The following NUP153 variants were observed in gnomAD, a reference collection of about 807,000 sequenced individuals.
NUP153 encodes the protein nucleoporin 153, also known as nuclear pore complex protein Nup153.
A neutral mutation model predicts 134.6 loss-of-function variants in NUP153; 27 were observed. The observed-to-expected ratio is 0.20, with a 90% CI of 0.15 to 0.28. The LOEUF (loss-of-function observed/expected upper bound fraction) is 0.28. NUP153 is among the 10% of genes least tolerant of loss of function. The pLI, the probability that NUP153 is intolerant of heterozygous loss-of-function variation, is 1.00. For synonymous variants in NUP153, 640 were observed against 623.5 expected, an observed-to-expected ratio of 1.03 and a Z score of -0.40; for missense variants, 1,821 against 1,731.3, an observed-to-expected ratio of 1.05 and a Z score of -0.92.
At chr6:17,639,224 C>T (rs1292149242) in intron 15 of NUP153, among the ~76,000 whole-genome samples, 2 of 151,934 alleles carry the variant, frequency 1.3e-5, no homozygotes, top group Non-Finnish European at 2.9e-5. Context: ...ACTACAGGTG[C>T]ATGCCAGGAC....
chr6:17,624,495 T>G, intron 20 of NUP153, 66 bp downstream of exon 20: 1 of 1,502,240 alleles, frequency 6.7e-7, no homozygotes, highest in Non-Finnish European at 9.1e-7. Flanking sequence ...GTTTCCAAGC[T>G]CAAAGGAAAA....
chr6:17,650,496 G>A (rs1048683334), intron 11 of NUP153, among the ~76,000 whole-genome samples: 4 of 152,268 alleles, frequency 2.6e-5, no homozygotes, highest in African/African-American at 9.6e-5. Context: ...CCACAGGGGA[G>A]ACAGAATGAG....
intron 1 of NUP153, among the ~76,000 whole-genome samples, chr6:17,698,309 A>C (rs956757487): frequency 6.6e-6 from 1 of 152,184 alleles, no homozygotes; most frequent in African/African-American, 2.4e-5. Context: ...AACTAGATTC[A>C]GGTCCAAGCA....
chr6:17,673,500 A>G (rs1177127190), intron 5 of NUP153, among the ~76,000 whole-genome samples: 2 of 152,310 alleles, frequency 1.3e-5, no homozygotes, highest in Admixed American at 6.5e-5. Context: ...AAAATAACCC[A>G]ATTTTTAAAT....
Position 17,637,513 on chromosome 6 carries a change from T to C in NUP153, c.2104A>G (p.Lys702Glu). The change falls in exon 16 of 22, where the codon AAA (lysine) becomes GAA (glutamate). Residue 702 changes from lysine (K) to glutamate (E), a missense_variant. Transcript: ENST00000262077. ...GCAGAAAGAGTTGTTTTGCCACTTT[T>C]ATTTGGTGTTTCAATTCCAGTCTGT... ...AKQTGIETPN[K>E]SGKTTLSASG... The C allele has an allele frequency of 1.2e-6, 2 of 1,614,230 alleles. No homozygotes were observed. The highest frequency in any genetic ancestry group is 1.7e-6 in the Non-Finnish European group (2 of 1,180,028).
At chr6:17,621,484 T>C (rs908080039) in intron 20 of NUP153, among the ~76,000 whole-genome samples, 6 of 152,058 alleles carry the variant, frequency 3.9e-5, no homozygotes, top group African/African-American at 9.7e-5. Context: ...ATACAGAAAA[T>C]GTGGTTTAAT....
At chr6:17,642,889 A>C (rs1272366869) in intron 14 of NUP153, among the ~76,000 whole-genome samples, 2 of 152,230 alleles carry the variant, frequency 1.3e-5, no homozygotes, top group African/African-American at 2.4e-5. Context: ...AGAACCTTGA[A>C]ACCACTGTGC....
At position 17,632,847 on chromosome 6, in the gene NUP153, A is replaced by G. The variant is rs780722372; in HGVS notation, c.2465-3T>C. On this transcript the variant is annotated splice_region_variant and splice_polypyrimidine_tract_variant and intron_variant, in intron 16 of 21. Transcript: ENST00000262077. ...ACTTGAAGCAGGTACTGAACTTCCT[A>G]AAAAAAAAAAAAAAAACGGGGAGTG... 1.0e-3 allele frequency: 755 copies of G among 754,004 alleles called. 3 individuals carry two copies. In the East Asian group the frequency reaches 0.035, roughly 35 times the overall value. 46.7% of individuals were successfully genotyped at this position (754,004 alleles called of 1,614,324 possible).
chr6:17,618,274 C>T (rs13220654), intron 20 of NUP153, among the ~76,000 whole-genome samples: 16,162 of 152,214 alleles, frequency 0.11, 905 homozygotes, highest in Admixed American at 0.13. Flanking sequence ...GTGGTATTTA[C>T]GTGTCCTACA....
chr6:17,615,872 T>C lies in NUP153; in HGVS notation c.*225A>G. On this transcript the variant is annotated 3_prime_UTR_variant, in exon 22 of 22. Coordinates refer to ENST00000262077, the MANE Select transcript of NUP153 (RefSeq NM_005124.4). This position sits in a 1 kb window ranked among gnomAD's most constrained non-coding sequence, Gnocchi z 5.7. ...GAATAATCTGCTGGATCATAAAATA[T>C]TTTTGCTGAAGAATCAGTCACCAGT... is the stretch of plus-strand genomic sequence containing the variant. The C allele has an allele frequency of 6.3e-6, 3 of 477,510 alleles. No individual in the cohort carries two copies. The highest frequency in any genetic ancestry group is 1.1e-5 in the Non-Finnish European group (3 of 269,772). The allele number at this position is 477,510 out of a possible 1,614,324, so 29.6% of individuals were successfully genotyped here.
intron 18 of NUP153, 33 bp from the exon 19 acceptor site, chr6:17,626,197 T>C: frequency 6.6e-7 from 1 of 1,525,584 alleles, no homozygotes; most frequent in Non-Finnish European, 9.0e-7. Flanking sequence ...CAAACATAAA[T>C]CCTTAAGAAT....
chr6:17,662,406 C>A (rs750560280), intron 9 of NUP153, among the ~76,000 whole-genome samples: 1 of 152,072 alleles, frequency 6.6e-6, no homozygotes, highest in Non-Finnish European at 1.5e-5. Context: ...CTATTCCTTT[C>A]GAAATAGCTC....
intron 17 of NUP153, among the ~76,000 whole-genome samples, chr6:17,630,287 T>C (rs1007208368): frequency 6.6e-6 from 1 of 152,126 alleles, no homozygotes; most frequent in Non-Finnish European, 1.5e-5. Context: ...TGTGAATAAA[T>C]GTGTTATTCA....
intron 1 of NUP153, among the ~76,000 whole-genome samples, chr6:17,705,917 C>T (rs1770457081): frequency 6.6e-6 from 1 of 152,164 alleles, no homozygotes; most frequent in Non-Finnish European, 1.5e-5. Context: ...CTTTTCCTTT[C>T]TCCCTCGAGA....
rs375949839 is a variant in NUP153 at position 17,706,334 on chromosome 6, C to A, written c.54G>T (p.Thr18=). Residue 18 remains threonine (T), a synonymous_variant, in exon 1 of 22, where the codon ACG becomes ACT. Transcript: ENST00000262077. The surrounding 1 kb of genome is among the most constrained non-coding windows in gnomAD (Gnocchi z 5.9). The stretch of plus-strand genomic sequence containing the variant: ...TAATTGGCCCCTGGTGGCAACGCCG[C>A]GTCCGGATCTTGCCGCCACCGCCCC... ...VGGGGGGKIR[T]RRCHQGPIKP... The A allele has an allele frequency of 1.1e-5, 18 of 1,613,448 alleles. No individual in the cohort carries two copies. The highest frequency in any genetic ancestry group is 1.6e-4 in the Middle Eastern group (1 of 6,078).
intron 17 of NUP153, among the ~76,000 whole-genome samples, chr6:17,630,246 A>C (rs1464346651): frequency 6.6e-6 from 1 of 152,194 alleles, no homozygotes; most frequent in Non-Finnish European, 1.5e-5. Flanking sequence ...AAGAGATTGA[A>C]CCTTGTCACA....
chr6:17,673,094 C>A (rs1398452347), intron 5 of NUP153, among the ~76,000 whole-genome samples: 1 of 152,052 alleles, frequency 6.6e-6, no homozygotes. Flanking sequence ...TCTGGCTGGG[C>A]GCGGTGGCTC....
At chr6:17,641,108 T>A (rs541612464) in intron 14 of NUP153, among the ~76,000 whole-genome samples, 15 of 152,300 alleles carry the variant, frequency 9.8e-5, no homozygotes, top group Admixed American at 2.6e-4. Flanking sequence ...GATAATGGTT[T>A]TATCGTTATA....
intron 8 of NUP153, among the ~76,000 whole-genome samples, chr6:17,666,266 C>T (rs1767528413): frequency 6.6e-6 from 1 of 152,098 alleles, no homozygotes; most frequent in African/African-American, 2.4e-5. Context: ...CCTGTAATCC[C>T]AGCAATGTGG....
Sources: gnomAD v4.1 joint callset for allele counts (sites outside exome capture counted in the v4.1 genomes callset) on GRCh38, gnomAD v4.1.1 for gene constraint, Gnocchi (gnomAD v3.1) non-coding constraint, MANE v1.5 for transcripts, NCBI Gene and HGNC (gene_info 2026-07-23, HGNC 2026-07-21) for gene names.